The following EML6 variants were observed in gnomAD, a reference collection of about 807,000 sequenced individuals.
EML6 encodes EMAP like 6, also known as echinoderm microtubule-associated protein-like 6.
Under a neutral mutation model 240.1 loss-of-function variants are expected in EML6, and 154 were observed. The ratio of observed to expected loss-of-function variants is 0.64; its 90% CI spans 0.56 to 0.73. EML6 has a LOEUF of 0.73. EML6 is among the 30% of genes least tolerant of loss of function. The pLI, the probability that EML6 is intolerant of heterozygous loss-of-function variation, is 0.00. For missense variants in EML6, 2,964 were observed against 2,474.6 expected, an observed-to-expected ratio of 1.20 and a Z score of -4.20; for synonymous variants, 1,148 against 899.0, an observed-to-expected ratio of 1.28 and a Z score of -4.95.
At chr2:54,886,860 A>G (rs1189229599) in intron 17 of EML6, among the ~76,000 whole-genome samples, 25 of 152,356 alleles carry the variant, frequency 1.6e-4, no homozygotes, top group Non-Finnish European at 5.9e-5. Context: ...TTAGGCAAGA[A>G]TGCTTTATAG....
chr2:54,787,161 G>A (rs544233517), intron 2 of EML6, among the ~76,000 whole-genome samples: 2 of 152,232 alleles, frequency 1.3e-5, no homozygotes, highest in East Asian at 1.9e-4. Context: ...GAGAGAAAGC[G>A]GGTAGGGGGC....
intron 32 of EML6, among the ~76,000 whole-genome samples, chr2:54,956,089 G>A (rs954435652): frequency 5.3e-5 from 8 of 152,070 alleles, no homozygotes; most frequent in African/African-American, 1.7e-4. Flanking sequence ...AATCCATGTC[G>A]TCAGGTCCTA....
At chr2:54,953,144 T>TC (rs1676063955) in intron 31 of EML6, among the ~76,000 whole-genome samples, 1 of 152,174 alleles carries the variant, frequency 6.6e-6, no homozygotes, top group South Asian at 2.1e-4. Context: ...TTTTACAACT[T>TC]CCTGCTTGTT....
At chr2:54,828,860 A>G (rs1305486364) in intron 6 of EML6, among the ~76,000 whole-genome samples, 4 of 152,146 alleles carry the variant, frequency 2.6e-5, no homozygotes, top group Non-Finnish European at 5.9e-5. Flanking sequence ...TGCTATTTAC[A>G]TTTTCATTTA....
chr2:54,893,170 A>T (rs1672567358), intron 19 of EML6, among the ~76,000 whole-genome samples: 1 of 152,216 alleles, frequency 6.6e-6, no homozygotes, highest in Admixed American at 6.5e-5. Context: ...ATTCAAGCTC[A>T]TCATAATTGC....
At chr2:54,769,979 T>C (rs756832288) in intron 2 of EML6, among the ~76,000 whole-genome samples, 10 of 152,230 alleles carry the variant, frequency 6.6e-5, no homozygotes, top group African/African-American at 4.8e-5. Flanking sequence ...TATTATATTA[T>C]ATTATTGTAA....
At chr2:54,934,272 G>T (rs1386076551) in intron 28 of EML6, among the ~76,000 whole-genome samples, 1 of 152,096 alleles carries the variant, frequency 6.6e-6, no homozygotes, top group Non-Finnish European at 1.5e-5. Context: ...GTTCCTACTG[G>T]GATGTCAGTG....
chr2:54,796,294 TC>T (rs1669767276), intron 2 of EML6, among the ~76,000 whole-genome samples: 1 of 152,162 alleles, frequency 6.6e-6, no homozygotes, highest in Admixed American at 6.5e-5. Flanking sequence ...CTCCTGAATT[TC>T]CTTATTCAGT....
At chr2:54,920,311 A>G (rs1413335825) in intron 26 of EML6, among the ~76,000 whole-genome samples, 2 of 152,186 alleles carry the variant, frequency 1.3e-5, no homozygotes, top group Non-Finnish European at 2.9e-5. Context: ...AAATAAAATT[A>G]TAAATGAAAG....
At chr2:54,811,998 A>G (rs932554386) in intron 2 of EML6, among the ~76,000 whole-genome samples, 16 of 152,360 alleles carry the variant, frequency 1.1e-4, no homozygotes, top group African/African-American at 3.8e-4. Context: ...TCAGATGTCC[A>G]ACATGGATTT....
At chr2:54,786,490 AAGTGCTGCTACCGCACCCGCT>A (rs1669096189) in intron 2 of EML6, among the ~76,000 whole-genome samples, 1 of 152,168 alleles carries the variant, frequency 6.6e-6, no homozygotes, top group South Asian at 2.1e-4. Flanking sequence ...TCCCCTGCTC[AAGTGCTGCTACCGCACCCGCT>A]ACCTACCCCA....
chr2:54,890,988 G>A (rs1281248280), intron 17 of EML6, 66 bp from the exon 18 acceptor site: 2 of 763,286 alleles, frequency 2.6e-6, no homozygotes, highest in African/African-American at 1.7e-5. Context: ...CCAAATGCAT[G>A]CTTTTAATAA....
At chr2:54,831,314 T>TA (rs1668857761) in intron 7 of EML6, among the ~76,000 whole-genome samples, 1 of 152,232 alleles carries the variant, frequency 6.6e-6, no homozygotes, top group South Asian at 2.1e-4. Context: ...GCATAAATTT[T>TA]AAAGCATGGG....
rs147818601 is a variant in EML6, at chr2:54,803,468, C to G, written c.198-9764C>G. On this transcript the variant is annotated intron_variant, in intron 2 of 41. Transcript: ENST00000356458. The stretch of plus-strand genomic sequence containing the variant: ...TACCTTCGTCAAGCCACCCTAGACC[C>G]TCCTCTAGCAGCTCCAAGCCCCTTT... Among the ~76,000 whole-genome samples, 99 of 152,272 alleles carry G rather than the reference C, an allele frequency of 6.5e-4. 1 individual carries two copies. Among genetic ancestry groups the G allele is most frequent in the African/African-American group, 2.2e-3 (91 of 41,554 alleles).
chr2:54,951,832 A>G (rs1031808441), intron 30 of EML6, among the ~76,000 whole-genome samples: 1 of 152,114 alleles, frequency 6.6e-6, no homozygotes, highest in Non-Finnish European at 1.5e-5. Context: ...GGGGAGGAGG[A>G]CCTTGACATT....
At position 54,968,458 on chromosome 2, in the gene EML6, G is replaced by C. The variant is rs561565025; in HGVS notation, c.5751+177G>C. The stretch of plus-strand genomic sequence containing the variant: ...GGGCAGTCCTGGAAGCCAGAAGGGA[G>C]GATGGAGGGTGGATAAAATGACCTG... On this transcript the variant is annotated intron_variant, in intron 40 of 41. Transcript: ENST00000356458. Among the ~76,000 whole-genome samples, 34 of 152,322 alleles carry C rather than the reference G, an allele frequency of 2.2e-4. 2 individuals carry two copies. The East Asian group carries it at 2.3e-3, about 10-fold the overall frequency.
At chr2:54,849,805 A>G (rs966470479) in intron 9 of EML6, among the ~76,000 whole-genome samples, 157 bp from the exon 10 acceptor site, 2 of 152,244 alleles carry the variant, frequency 1.3e-5, no homozygotes, top group African/African-American at 4.8e-5. Flanking sequence ...TAAATTTTAA[A>G]TAATAACATT....
intron 2 of EML6, among the ~76,000 whole-genome samples, chr2:54,776,047 G>A (rs958798743): frequency 5.9e-5 from 9 of 152,072 alleles, no homozygotes; most frequent in Non-Finnish European, 1.3e-4. Context: ...GCTTTATGAT[G>A]TCTTTATCTA....
At chr2:54,905,342 ACACACACACAC>A (rs1458826813) in intron 24 of EML6, among the ~76,000 whole-genome samples, 3 of 148,038 alleles carry the variant, frequency 2.0e-5, no homozygotes, top group Non-Finnish European at 3.0e-5. Context: ...ACACACACAC[ACACACACACAC>A]ACACACACAC....
Sources: allele counts gnomAD v4.1 joint callset (sites outside exome capture counted in the v4.1 genomes callset), GRCh38; gene constraint gnomAD v4.1.1; transcripts MANE v1.5; gene names NCBI Gene and HGNC (gene_info 2026-07-23, HGNC 2026-07-21).